Variants in CNTNAP2 observed in about 807,000 individuals in gnomAD.
CNTNAP2 encodes the protein contactin-associated protein-like 2.
In CNTNAP2, 98 loss-of-function variants were observed where a neutral mutation model predicts 155.2. The ratio of observed to expected loss-of-function variants is 0.63; its 90% confidence interval spans 0.54 to 0.75. The LOEUF (loss-of-function observed/expected upper bound fraction) is 0.75, where lower values mean the gene tolerates loss of function less well. Ranked by LOEUF, CNTNAP2 falls within the 30% of genes least tolerant of loss-of-function variation. The pLI is 0.00. For missense variants in CNTNAP2, 1,727 were observed against 1,688.1 expected, an observed-to-expected ratio of 1.02 and a Z score of -0.40; for synonymous variants, 651 against 631.2, an observed-to-expected ratio of 1.03 and a Z score of -0.47.
intron 13 of CNTNAP2, among the ~76,000 whole-genome samples, chr7:147,825,401 C>T (rs1798430789): frequency 6.6e-6 from 1 of 152,114 alleles, no homozygotes; most frequent in African/African-American, 2.4e-5. Context: ...CATCTAATAC[C>T]TTATTTTACA....
chr7:146,534,781 C>A (rs553292373), intron 1 of CNTNAP2, among the ~76,000 whole-genome samples: 16 of 151,758 alleles, frequency 1.1e-4, no homozygotes, highest in African/African-American at 3.9e-4. Flanking sequence ...TCCTGTCTGT[C>A]TATTGCATGC....
chr7:146,681,347 A>T (rs1366472861), intron 1 of CNTNAP2, among the ~76,000 whole-genome samples: 1 of 142,544 alleles, frequency 7.0e-6, no homozygotes, highest in Non-Finnish European at 1.5e-5. Flanking sequence ...CTTTGAGAAT[A>T]TGCAGTTATT....
intron 1 of CNTNAP2, among the ~76,000 whole-genome samples, chr7:146,317,829 G>A (rs933141540): frequency 2.0e-5 from 3 of 152,126 alleles, no homozygotes; most frequent in Non-Finnish European, 4.4e-5. Context: ...CTTGTTTTTT[G>A]AGGCATTGTT....
chr7:147,684,865 A>C (rs1795994911), intron 13 of CNTNAP2, among the ~76,000 whole-genome samples: 1 of 151,810 alleles, frequency 6.6e-6, no homozygotes, highest in Non-Finnish European at 1.5e-5. Context: ...ATTAAAACTC[A>C]TATCTTATGA....
chr7:147,694,527 T>C lies in CNTNAP2; in HGVS notation c.2098+55221T>C, dbSNP rs548959841. On this transcript the variant is annotated intron_variant, in intron 13 of 23. Coordinates refer to ENST00000361727, the MANE Select transcript of CNTNAP2 (RefSeq NM_014141.6). ...TTATTGATTCAGTTTCTTTAATAGA[T>C]ACAGGCCTATTCAGATTGTCAATTT... 8.5e-5 allele frequency among the ~76,000 whole-genome samples: 13 copies of C among 152,282 alleles called. No individual in the cohort carries two copies. The East Asian group carries it at 1.9e-3, about 23-fold the overall frequency.
intron 8 of CNTNAP2, among the ~76,000 whole-genome samples, chr7:147,290,591 G>A (rs1049684770): frequency 6.7e-6 from 1 of 150,056 alleles, no homozygotes; most frequent in Non-Finnish European, 1.5e-5. Flanking sequence ...GTTGAGGCAG[G>A]AGAATTGCTT....
At chr7:146,919,893 A>G (rs79711028) in intron 3 of CNTNAP2, among the ~76,000 whole-genome samples, 19 of 152,146 alleles carry the variant, frequency 1.2e-4, no homozygotes, top group African/African-American at 1.9e-4. Context: ...CAAGTTTACA[A>G]TGTGGGTCTC....
At chr7:146,776,227 C>G (rs887637802) in intron 2 of CNTNAP2, among the ~76,000 whole-genome samples, 2 of 151,954 alleles carry the variant, frequency 1.3e-5, no homozygotes, top group Non-Finnish European at 2.9e-5. Flanking sequence ...TGTACTGTTC[C>G]CTAAAAGAAG....
intron 1 of CNTNAP2, among the ~76,000 whole-genome samples, chr7:146,199,020 C>A (rs563020729): frequency 6.6e-6 from 1 of 152,250 alleles, no homozygotes; most frequent in Admixed American, 6.5e-5. Context: ...TTTGTATCTA[C>A]ATTTGTCGAT....
intron 13 of CNTNAP2, among the ~76,000 whole-genome samples, chr7:147,894,961 CTTTCTTT>C (rs1799753945): frequency 2.8e-5 from 1 of 35,658 alleles, no homozygotes; most frequent in Non-Finnish European, 4.5e-5. Flanking sequence ...TTCTTTCTTT[CTTTCTTT>C]TTTTTTTTTT....
intron 15 of CNTNAP2, among the ~76,000 whole-genome samples, chr7:147,991,578 A>G (rs1801711334): frequency 6.6e-6 from 1 of 151,226 alleles, no homozygotes; most frequent in South Asian, 2.1e-4. Context: ...CTTTAAATTA[A>G]GGATTAAAAA....
At chr7:146,205,218 T>G (rs937623073) in intron 1 of CNTNAP2, among the ~76,000 whole-genome samples, 7 of 151,964 alleles carry the variant, frequency 4.6e-5, no homozygotes, top group African/African-American at 1.7e-4. Context: ...ATTGTTTAAT[T>G]AAACAGAGAC....
chr7:146,408,919 G>C (rs374949054), intron 1 of CNTNAP2, among the ~76,000 whole-genome samples: 4 of 151,860 alleles, frequency 2.6e-5, no homozygotes, highest in African/African-American at 9.7e-5. Flanking sequence ...AATCCACACC[G>C]AATTCACATG....
chr7:146,338,876 G>T (rs892933676), intron 1 of CNTNAP2, among the ~76,000 whole-genome samples: 3 of 147,558 alleles, frequency 2.0e-5, no homozygotes, highest in Non-Finnish European at 4.4e-5. Flanking sequence ...ATACAGAAAA[G>T]ATTTTTTTTT....
chr7:147,981,709 G>T (rs1478343887), intron 15 of CNTNAP2, among the ~76,000 whole-genome samples: 1 of 151,906 alleles, frequency 6.6e-6, no homozygotes, highest in Admixed American at 6.6e-5. Context: ...TAATCAAAAT[G>T]CTAAAGAAAA....
At chr7:147,558,436 A>G (rs1481757331) in intron 11 of CNTNAP2, among the ~76,000 whole-genome samples, 1 of 152,194 alleles carries the variant, frequency 6.6e-6, no homozygotes, top group Non-Finnish European at 1.5e-5. Context: ...ATGCAGTCTG[A>G]GGACAGTAGT....
At chr7:146,715,961 A>G (rs1801179832) in intron 1 of CNTNAP2, among the ~76,000 whole-genome samples, 1 of 150,854 alleles carries the variant, frequency 6.6e-6, no homozygotes, top group African/African-American at 2.4e-5. Flanking sequence ...GTTGGATCTC[A>G]GGTGGTGCAG....
intron 1 of CNTNAP2, among the ~76,000 whole-genome samples, chr7:146,708,273 C>T (rs549472971): frequency 3.0e-4 from 45 of 152,096 alleles, no homozygotes; most frequent in African/African-American, 1.0e-3. Context: ...AATACAGGAC[C>T]TTACCGGAAG....
Position 146,692,610 on chromosome 7 carries a change from TGAG to T in CNTNAP2, c.98-81657_98-81655del, listed in dbSNP as rs1285138654. Among the ~76,000 whole-genome samples, 11 of 152,292 alleles carry T rather than the reference TGAG, an allele frequency of 7.2e-5. No individual in the cohort carries two copies. The South Asian group carries it at 1.0e-3, about 14-fold the overall frequency. Reference sequence around the variant, plus strand: ...AAAATAGATAAAGAGTTTGGACCCTTGAGGAGCAAATCTCAGTTCCAATATTTA... The same window carrying T: ...AAAATAGATAAAGAGTTTGGACCCTTGAGCAAATCTCAGTTCCAATATTTA... On this transcript the variant is annotated intron_variant, in intron 1 of 23. Coordinates refer to ENST00000361727, the MANE Select transcript of CNTNAP2 (RefSeq NM_014141.6).
Sources: allele counts gnomAD v4.1 joint callset (sites outside exome capture counted in the v4.1 genomes callset), GRCh38; gene constraint gnomAD v4.1.1; transcripts MANE v1.5; gene names NCBI Gene and HGNC (gene_info 2026-07-23, HGNC 2026-07-21).